The following MAML3 variants were observed in gnomAD, a reference collection of about 807,000 sequenced individuals.
The protein encoded by MAML3 is mastermind like transcriptional coactivator 3.
A neutral mutation model predicts 101.9 loss-of-function variants in MAML3; 27 were observed. That is an observed-to-expected ratio of 0.27 (90% confidence interval 0.20 to 0.37). MAML3 has a LOEUF of 0.37. Ranked by LOEUF, MAML3 falls within the 10% of genes least tolerant of loss-of-function variation. The pLI, the probability that MAML3 is intolerant of heterozygous loss-of-function variation, is 1.00. For synonymous variants in MAML3, 501 were observed against 555.9 expected, an observed-to-expected ratio of 0.90 and a Z score of 1.39; for missense variants, 1,316 against 1,444.9, an observed-to-expected ratio of 0.91 and a Z score of 1.45.
intron 2 of MAML3, 86 bp downstream of exon 2, chr4:139,889,271 C>T: frequency 6.2e-7 from 1 of 1,610,620 alleles, no homozygotes; most frequent in Non-Finnish European, 8.5e-7. Flanking sequence ...GACCCCACTA[C>T]AGTGGAAGCT....
intron 1 of MAML3, among the ~76,000 whole-genome samples, chr4:140,002,036 T>G (rs1734933330): frequency 7.8e-6 from 1 of 127,434 alleles, no homozygotes; most frequent in Non-Finnish European, 1.7e-5. Context: ...ATGCATTACC[T>G]CACACACTTA....
chr4:139,992,446 G>A (rs1734699061), intron 1 of MAML3, among the ~76,000 whole-genome samples: 1 of 152,120 alleles, frequency 6.6e-6, no homozygotes, highest in Non-Finnish European at 1.5e-5. Flanking sequence ...CAAAACGGCT[G>A]TGCCATTTTA....
At chr4:139,941,542 TTGG>T (rs1211508247) in intron 1 of MAML3, among the ~76,000 whole-genome samples, 9,617 of 115,300 alleles carry the variant, frequency 0.083, 765 homozygotes, top group African/African-American at 0.23. Context: ...GTTGTTGTTG[TTGG>T]TGGTGGTGGT....
At chr4:140,045,869 A>G (rs1415660327) in intron 1 of MAML3, among the ~76,000 whole-genome samples, 1 of 152,182 alleles carries the variant, frequency 6.6e-6, no homozygotes, top group Non-Finnish European at 1.5e-5. Context: ...ATACTTAGAG[A>G]AAATAGAACC....
intron 1 of MAML3, among the ~76,000 whole-genome samples, chr4:140,052,535 CTTT>C (rs397878543): frequency 9.5e-5 from 13 of 136,180 alleles, no homozygotes; most frequent in Non-Finnish European, 8.0e-5. Context: ...CCATATATTT[CTTT>C]TTTTTTTTTT....
chr4:139,818,978 G>A (rs1730932117), intron 2 of MAML3, among the ~76,000 whole-genome samples: 1 of 152,148 alleles, frequency 6.6e-6, no homozygotes, highest in Non-Finnish European at 1.5e-5. Flanking sequence ...CACTTATTAA[G>A]TGCCTATTGT....
intron 2 of MAML3, among the ~76,000 whole-genome samples, chr4:139,756,607 A>G (rs1043747797): frequency 6.6e-6 from 1 of 152,152 alleles, no homozygotes; most frequent in African/African-American, 2.4e-5. Context: ...GTAATAAAAC[A>G]CTTCTGGAAA....
At chr4:140,149,720 C>G (rs1013668596) in intron 1 of MAML3, among the ~76,000 whole-genome samples, 1 of 152,052 alleles carries the variant, frequency 6.6e-6, no homozygotes, top group South Asian at 2.1e-4. Context: ...CCAAATAGAG[C>G]GCCCAATCTG....
At chr4:140,049,917 T>C (rs1450113873) in intron 1 of MAML3, among the ~76,000 whole-genome samples, 4 of 152,206 alleles carry the variant, frequency 2.6e-5, no homozygotes, top group Non-Finnish European at 4.4e-5. Context: ...ACAGTAGCTA[T>C]TTCTAAATCT....
At chr4:140,072,325 A>G (rs1452147546) in intron 1 of MAML3, among the ~76,000 whole-genome samples, 2 of 152,206 alleles carry the variant, frequency 1.3e-5, no homozygotes, top group African/African-American at 4.8e-5. Flanking sequence ...TGTAACAACC[A>G]TTCACATAGC....
rs1728656537 is a variant in MAML3, at chr4:139,730,452, CTG to C, written c.2293_2294del (p.Gln765AlafsTer97). ...KQQFLREQRQQQQQQQQQILA... is the reference protein window; with the variant it reads ...KQQFLREQRQXQQQQQQQILA... The stretch of plus-strand genomic sequence containing the variant: ...AAATCTGCTGCTGCTGCTGCTGCTG[CTG>C]CTGCCTTTGCTCCCGCAGGAACTGT... On this transcript the variant is annotated frameshift_variant, in exon 3 of 5. Transcript: ENST00000509479. LOFTEE classifies it high-confidence loss of function. The C allele has an allele frequency of 3.2e-5, 49 of 1,552,028 alleles. No individual in the cohort carries two copies. Among genetic ancestry groups the C allele is most frequent in the Non-Finnish European group, 3.7e-5 (43 of 1,147,352 alleles).
chr4:139,745,279 G>A (rs946790186), intron 2 of MAML3, among the ~76,000 whole-genome samples: 16 of 124,352 alleles, frequency 1.3e-4, no homozygotes, highest in African/African-American at 4.2e-4. Context: ...CAGCCGACTC[G>A]ACCACCGTCC....
chr4:139,890,239 G>A lies in MAML3; in HGVS notation c.1197C>T (p.Ser399=), dbSNP rs1322672200. Residue 399 remains serine, a synonymous_variant, in exon 2 of 5, where the codon AGC becomes AGT. Transcript: ENST00000509479. This position sits in a 1 kb window ranked among gnomAD's most constrained non-coding sequence, Gnocchi z 4.1. ...TTGCAGGGTTTGGAGCTGCGGGAGT[G>A]CTGGCAACAGAAGGTAAACTAGTGG... ...STATSLPSVA[S]TPAAPNPASS... is the part of the protein sequence containing the mutation. The A allele has an allele frequency of 6.2e-7, 1 of 1,613,710 alleles. No individual in the cohort carries two copies. Among genetic ancestry groups the A allele is most frequent in the Admixed American group, 1.7e-5 (1 of 60,024 alleles).
rs567038402 is a variant in MAML3, at chr4:140,121,027, C to A, written c.468+31833G>T. ...TATAGCCTGCACTTTTCTAAGTTTA[C>A]AGAAGAGTTGTTTCACTGAAAATTC... On this transcript the variant is annotated intron_variant, in intron 1 of 4. Transcript: ENST00000509479. 8.5e-5 allele frequency among the ~76,000 whole-genome samples: 13 copies of A among 152,304 alleles called. No individual in the cohort carries two copies. The South Asian group carries it at 2.5e-3, about 29-fold the overall frequency.
intron 1 of MAML3, among the ~76,000 whole-genome samples, chr4:140,024,662 A>C (rs1277311594): frequency 2.6e-5 from 4 of 152,188 alleles, no homozygotes; most frequent in African/African-American, 9.7e-5. Context: ...ACCACCAAAA[A>C]ATATATATAA....
chr4:139,740,996 G>T lies in MAML3; in HGVS notation c.2080-10329C>A, dbSNP rs547640587. Among the ~76,000 whole-genome samples, 775 of 152,284 alleles carry T rather than the reference G, an allele frequency of 5.1e-3. 1 individual carries two copies. Among genetic ancestry groups the T allele is most frequent in the Non-Finnish European group, 6.7e-3 (454 of 68,024 alleles). ...TGTCAGCCTGCTCTGCCGGTTTCCC[G>T]ACTGCTGAACCTGTCTGTGGGAAGC... On this transcript the variant is annotated intron_variant, in intron 2 of 4. Coordinates refer to ENST00000509479, the MANE Select transcript of MAML3 (RefSeq NM_018717.5).
In MAML3 at chr4:139,790,328, T is replaced by G. The variant is rs73854357; in HGVS notation, c.2080-59661A>C. Among the ~76,000 whole-genome samples, 6 of 148,658 alleles carry G rather than the reference T, an allele frequency of 4.0e-5. No homozygotes were observed. In the East Asian group the frequency reaches 1.2e-3, roughly 29 times the overall value. On this transcript the variant is annotated intron_variant, in intron 2 of 4. Coordinates refer to ENST00000509479, the MANE Select transcript of MAML3 (RefSeq NM_018717.5). ...TATATACCTTGCCAAATTAAAAAAA[T>G]TTCCTGAGTAATCTTTCTTTTTTTG...
intron 2 of MAML3, among the ~76,000 whole-genome samples, chr4:139,852,458 GCTAGAGTGCAGTGGTGAGAT>G (rs1731577930): frequency 7.4e-6 from 1 of 135,236 alleles, no homozygotes; most frequent in African/African-American, 2.9e-5. Flanking sequence ...TGTCACCCAG[GCTAGAGTGCAGTGGTGAGAT>G]CTTGGCTCAC....
At chr4:139,948,815 T>C (rs534902953) in intron 1 of MAML3, among the ~76,000 whole-genome samples, 4 of 152,166 alleles carry the variant, frequency 2.6e-5, no homozygotes, top group Non-Finnish European at 5.9e-5. Context: ...ACAAGATCCC[T>C]GTAAGGTAGA....
Sources: gnomAD v4.1 joint callset for allele counts (sites outside exome capture counted in the v4.1 genomes callset) on GRCh38, gnomAD v4.1.1 for gene constraint, Gnocchi (gnomAD v3.1) non-coding constraint, MANE v1.5 for transcripts, NCBI Gene and HGNC (gene_info 2026-07-23, HGNC 2026-07-21) for gene names.